Variants in PTPRD observed in about 807,000 individuals in gnomAD.
PTPRD encodes the protein protein tyrosine phosphatase receptor type D, also known as receptor-type tyrosine-protein phosphatase delta.
A neutral mutation model predicts 214.5 loss-of-function variants in PTPRD; 34 were observed. The observed-to-expected ratio is 0.16, with a 90% CI of 0.12 to 0.21. The LOEUF is 0.21. Ranked by LOEUF, PTPRD falls within the 10% of genes least tolerant of loss-of-function variation. PTPRD has a pLI of 1.00. For missense variants in PTPRD, 2,545 were observed against 2,398.7 expected (o/e 1.06, Z -1.27); for synonymous variants, 1,128 against 845.7 (o/e 1.33, Z -5.79).
chr9:9,420,625 C>T (rs1418565831), intron 8 of PTPRD, among the ~76,000 whole-genome samples: 1 of 151,844 alleles, frequency 6.6e-6, no homozygotes, highest in Admixed American at 6.6e-5. Context: ...ATGCAAGCTT[C>T]TTTGTATTAG....
At chr9:8,684,680 T>C (rs1007220019) in intron 12 of PTPRD, among the ~76,000 whole-genome samples, 2 of 152,312 alleles carry the variant, frequency 1.3e-5, no homozygotes, top group African/African-American at 2.4e-5. Flanking sequence ...GGGAGCTATG[T>C]TAAGATTGAT....
intron 10 of PTPRD, among the ~76,000 whole-genome samples, chr9:9,166,139 ATTT>A (rs5896304): frequency 0.14 from 19,698 of 140,998 alleles, 1,618 homozygotes; most frequent in South Asian, 0.21. Flanking sequence ...TCTGGGTTTG[ATTT>A]TTTTTTTTTT....
At chr9:8,387,626 G>A (rs893792212) in intron 37 of PTPRD, among the ~76,000 whole-genome samples, 1 of 152,168 alleles carries the variant, frequency 6.6e-6, no homozygotes, top group African/African-American at 2.4e-5. Flanking sequence ...CAGGCAGTAT[G>A]GCTTGATGGT....
At chr9:10,314,051 G>C (rs1443497563) in intron 3 of PTPRD, among the ~76,000 whole-genome samples, 1 of 151,906 alleles carries the variant, frequency 6.6e-6, no homozygotes, top group Admixed American at 6.6e-5. Flanking sequence ...ATAAGTGAGA[G>C]ATAGTTTAAA....
At chr9:9,775,349 AAGG>A (rs1461985390) in intron 5 of PTPRD, among the ~76,000 whole-genome samples, 1 of 152,216 alleles carries the variant, frequency 6.6e-6, no homozygotes, top group Non-Finnish European at 1.5e-5. Flanking sequence ...GGGTTTTAAG[AAGG>A]AGGAGATCAG....
intron 4 of PTPRD, among the ~76,000 whole-genome samples, chr9:9,966,830 G>C (rs2094738682): frequency 6.6e-6 from 1 of 152,118 alleles, no homozygotes; most frequent in African/African-American, 2.4e-5. Context: ...AGGAAGAGAA[G>C]AAAGAAAACT....
At chr9:8,821,666 A>G (rs2097067249) in intron 11 of PTPRD, among the ~76,000 whole-genome samples, 1 of 152,160 alleles carries the variant, frequency 6.6e-6, no homozygotes, top group Admixed American at 6.5e-5. Context: ...TCCATCCAAT[A>G]AGTTCCTTCA....
At chr9:10,572,143 T>G (rs1293633643) in intron 2 of PTPRD, among the ~76,000 whole-genome samples, 1 of 152,194 alleles carries the variant, frequency 6.6e-6, no homozygotes, top group East Asian at 1.9e-4. Flanking sequence ...TTTCTCAATA[T>G]GTATGACTAA....
At chr9:10,191,080 T>C (rs1431922953) in intron 3 of PTPRD, among the ~76,000 whole-genome samples, 1 of 152,046 alleles carries the variant, frequency 6.6e-6, no homozygotes, top group Non-Finnish European at 1.5e-5. Flanking sequence ...AATAAATAAA[T>C]AAATAAAAAT....
At chr9:8,706,893 C>T (rs533807291) in intron 12 of PTPRD, among the ~76,000 whole-genome samples, 18 of 152,288 alleles carry the variant, frequency 1.2e-4, no homozygotes, top group East Asian at 7.7e-4. Context: ...ATTATCCTCC[C>T]GTGCCACTGT....
intron 2 of PTPRD, among the ~76,000 whole-genome samples, chr9:10,582,899 G>C (rs2072466439): frequency 6.6e-6 from 1 of 152,148 alleles, no homozygotes; most frequent in South Asian, 2.1e-4. Context: ...GTAATATTTA[G>C]GCTAACATGT....
At chr9:9,268,701 AC>A in intron 9 of PTPRD, among the ~76,000 whole-genome samples, 1 of 150,924 alleles carries the variant, frequency 6.6e-6, no homozygotes, top group Non-Finnish European at 1.5e-5. Context: ...CCAGGAATAA[AC>A]CCATGTTTAC....
chr9:9,833,045 G>C (rs1425891521), intron 5 of PTPRD, among the ~76,000 whole-genome samples: 7 of 151,926 alleles, frequency 4.6e-5, no homozygotes, highest in Non-Finnish European at 8.8e-5. Flanking sequence ...GAAATTCATG[G>C]TTCCTCTAAT....
chr9:8,996,745 GC>G (rs917303230), intron 11 of PTPRD, among the ~76,000 whole-genome samples: 5 of 151,952 alleles, frequency 3.3e-5, no homozygotes, highest in Non-Finnish European at 7.4e-5. Context: ...AATTCCTTTA[GC>G]CAAACAGGCT....
intron 9 of PTPRD, among the ~76,000 whole-genome samples, chr9:9,351,054 C>T (rs147600739): frequency 6.6e-6 from 1 of 151,986 alleles, no homozygotes; most frequent in East Asian, 1.9e-4. Context: ...TCTCAATTAC[C>T]TTTGGCTTGG....
chr9:10,303,312 A>G (rs2095928327), intron 3 of PTPRD, among the ~76,000 whole-genome samples: 1 of 152,194 alleles, frequency 6.6e-6, no homozygotes, highest in South Asian at 2.1e-4. Flanking sequence ...AAAGCAGAAA[A>G]CATCTAAATT....
intron 5 of PTPRD, among the ~76,000 whole-genome samples, chr9:9,787,772 T>TTTTTTATTA (rs1555076283): frequency 1.1e-3 from 166 of 149,134 alleles, no homozygotes; most frequent in African/African-American, 3.8e-3. Flanking sequence ...CAATTTTTTA[T>TTTTTTATTA]TTATTATTAT....
intron 12 of PTPRD, among the ~76,000 whole-genome samples, chr9:8,674,798 T>C (rs1013445857): frequency 2.0e-5 from 3 of 152,172 alleles, no homozygotes; most frequent in Non-Finnish European, 4.4e-5. Flanking sequence ...CATTTCCAAA[T>C]GAGCTTATAC....
chr9:9,822,175 G>T (rs191244289), intron 5 of PTPRD, among the ~76,000 whole-genome samples: 1 of 150,560 alleles, frequency 6.6e-6, no homozygotes, highest in African/African-American at 2.4e-5. Context: ...CACTTTGGGA[G>T]GCTGAGGTGG....
Sources: gnomAD v4.1 joint callset for allele counts (sites outside exome capture counted in the v4.1 genomes callset) on GRCh38, gnomAD v4.1.1 for gene constraint, MANE v1.5 for transcripts, NCBI Gene and HGNC (gene_info 2026-07-23, HGNC 2026-07-21) for gene names.